Variants in DUSP16 observed in about 807,000 individuals in gnomAD.
DUSP16 encodes dual specificity protein phosphatase 16.
A neutral mutation model predicts 58.3 loss-of-function variants in DUSP16; 21 were observed. The observed-to-expected ratio is 0.36, with a 90% CI of 0.26 to 0.52. DUSP16 has a LOEUF of 0.52. Ranked by LOEUF, DUSP16 falls within the 20% of genes least tolerant of loss-of-function variation. The pLI is 0.94. For missense variants in DUSP16, 726 were observed against 819.0 expected, an observed-to-expected ratio of 0.89 and a Z score of 1.39; for synonymous variants, 320 against 323.8, an observed-to-expected ratio of 0.99 and a Z score of 0.12.
chr12:12,526,639 A>G (rs533881185), intron 1 of DUSP16, among the ~76,000 whole-genome samples: 23 of 152,304 alleles, frequency 1.5e-4, no homozygotes, highest in Non-Finnish European at 2.6e-4. Flanking sequence ...GTGCCTAGCC[A>G]GAGAATCCTT....
chr12:12,515,775 G>T (rs1358298784), intron 3 of DUSP16, among the ~76,000 whole-genome samples: 1 of 151,786 alleles, frequency 6.6e-6, no homozygotes. Context: ...TGGTAATAGA[G>T]AACTTTTTTT....
intron 5 of DUSP16, among the ~76,000 whole-genome samples, chr12:12,484,301 A>G (rs767518864): frequency 2.6e-5 from 4 of 152,200 alleles, no homozygotes; most frequent in African/African-American, 4.8e-5. Context: ...AGATATTACA[A>G]ATAAATTATA....
intron 1 of DUSP16, among the ~76,000 whole-genome samples, chr12:12,535,657 G>A (rs1944452940): frequency 6.6e-6 from 1 of 152,148 alleles, no homozygotes; most frequent in African/African-American, 2.4e-5. Context: ...GCAAGTCCTT[G>A]ATATTAATTA....
chr12:12,562,224 G>C lies in DUSP16; in HGVS notation c.-473C>G, dbSNP rs982491635. The C allele has an allele frequency of 6.6e-6, 1 of 151,896 alleles. No homozygotes were observed. 9.4% of individuals were successfully genotyped at this position (151,896 alleles called of 1,614,324 possible). A position where few individuals can be genotyped will look rare whatever the true frequency, so the allele number is the denominator to read the frequency against. ...CGGACTTGCGAGGCGCCGCCGCGGA[G>C]CCGAGAGGGCGGCTGCGCTCCCGCT... is the stretch of plus-strand genomic sequence containing the variant. On this transcript the variant is annotated 5_prime_UTR_variant, in exon 1 of 7. Coordinates refer to ENST00000298573, the MANE Select transcript of DUSP16 (RefSeq NM_030640.3).
At chr12:12,549,122 A>C (rs993474038) in intron 1 of DUSP16, among the ~76,000 whole-genome samples, 2 of 151,970 alleles carry the variant, frequency 1.3e-5, no homozygotes, top group African/African-American at 4.8e-5. Context: ...AAAACCCAAA[A>C]CCTAATTTTA....
rs2136180138 is a variant in DUSP16, at chr12:12,474,949, AC to A, written c.*1883del. Reference sequence around the variant, plus strand: ...TGACCAGCACTTTCCCAGTATCATAACAATGCGGCTGACCCTCTTCTGCCTT... The same window carrying A: ...TGACCAGCACTTTCCCAGTATCATAAAATGCGGCTGACCCTCTTCTGCCTT... On this transcript the variant is annotated 3_prime_UTR_variant, in exon 7 of 7. Coordinates refer to ENST00000298573, the MANE Select transcript of DUSP16 (RefSeq NM_030640.3). The A allele has an allele frequency of 6.6e-6, 1 of 152,346 alleles. No individual in the cohort carries two copies. The highest frequency in any genetic ancestry group is 2.1e-4 in the South Asian group (1 of 4,832). 9.4% of individuals were successfully genotyped at this position (152,346 alleles called of 1,614,324 possible).
intron 1 of DUSP16, among the ~76,000 whole-genome samples, chr12:12,534,787 T>C (rs1358330418): frequency 2.0e-5 from 3 of 152,252 alleles, no homozygotes; most frequent in Non-Finnish European, 4.4e-5. Context: ...TCTATCAGCC[T>C]TTAAAATCTT....
intron 1 of DUSP16, among the ~76,000 whole-genome samples, chr12:12,521,788 G>A (rs1944241307): frequency 6.6e-6 from 1 of 152,112 alleles, no homozygotes; most frequent in African/African-American, 2.4e-5. Context: ...GCTGCTTGAA[G>A]TATTATTATT....
intron 1 of DUSP16, among the ~76,000 whole-genome samples, chr12:12,560,176 T>C (rs1156290818): frequency 6.6e-6 from 1 of 152,042 alleles, no homozygotes; most frequent in Non-Finnish European, 1.5e-5. Context: ...TTTGGCACTA[T>C]AATCAAGCCA....
intron 6 of DUSP16, 50 bp downstream of exon 6, chr12:12,480,173 T>C (rs1178038014): frequency 6.2e-7 from 1 of 1,602,250 alleles, no homozygotes; most frequent in African/African-American, 1.3e-5. Context: ...ATTCTTTATG[T>C]TTCAGGTCAA....
chr12:12,507,182 A>C (rs1408852382), intron 3 of DUSP16, among the ~76,000 whole-genome samples: 1 of 152,222 alleles, frequency 6.6e-6, no homozygotes, highest in African/African-American at 2.4e-5. Context: ...ATGAAAGTAT[A>C]TTTACATAAT....
At chr12:12,548,579 C>A (rs12309848) in intron 1 of DUSP16, among the ~76,000 whole-genome samples, 13,558 of 144,574 alleles carry the variant, frequency 0.094, 1,279 homozygotes, top group East Asian at 0.25. Context: ...TTGCAGTGAG[C>A]CGAGATCGCA....
At position 12,562,155 on chromosome 12, in the gene DUSP16, A is replaced by G. The variant is rs1452700433; in HGVS notation, c.-404T>C. ...GACCTCCCAATTCCCTCAGAGGGAA[A>G]CGAAAGTTGTCACGGCGTCTCCCCT... On this transcript the variant is annotated 5_prime_UTR_variant, in exon 1 of 7. Transcript: ENST00000298573. 32 of 151,808 alleles carry G rather than the reference A, an allele frequency of 2.1e-4. No individual in the cohort carries two copies. Among genetic ancestry groups the G allele is most frequent in the Admixed American group, 2.0e-3 (31 of 15,266 alleles). The allele number at this position is 151,808 out of a possible 1,614,324, so 9.4% of individuals were successfully genotyped here. A position where few individuals can be genotyped will look rare whatever the true frequency, so the allele number is the denominator to read the frequency against.
intron 1 of DUSP16, among the ~76,000 whole-genome samples, chr12:12,529,585 T>C (rs1016345632): frequency 2.6e-5 from 4 of 152,204 alleles, no homozygotes; most frequent in South Asian, 2.1e-4. Flanking sequence ...TCAGGAATAC[T>C]ATATATCCTC....
intron 1 of DUSP16, among the ~76,000 whole-genome samples, chr12:12,534,680 G>A (rs1304133937): frequency 1.3e-5 from 2 of 152,102 alleles, no homozygotes; most frequent in East Asian, 3.9e-4. Context: ...ATTTTTTGAG[G>A]AGGAACTGCC....
chr12:12,545,960 A>C (rs145689804), intron 1 of DUSP16, among the ~76,000 whole-genome samples: 1 of 152,334 alleles, frequency 6.6e-6, no homozygotes, highest in Non-Finnish European at 1.5e-5. Flanking sequence ...CTAATATTTA[A>C]TATGTGGATT....
In DUSP16 at chr12:12,502,935, AG is replaced by A. The variant is rs527577825; in HGVS notation, c.368-2254del. Among the ~76,000 whole-genome samples, 101 of 152,264 alleles carry A rather than the reference AG, an allele frequency of 6.6e-4. 3 individuals are homozygous for A. In the South Asian group the frequency reaches 0.021, roughly 32 times the overall value. On this transcript the variant is annotated intron_variant, in intron 3 of 6. Coordinates refer to ENST00000298573, the MANE Select transcript of DUSP16 (RefSeq NM_030640.3). The stretch of plus-strand genomic sequence containing the variant: ...CACACCGCCCCATGCATGCACACGT[AG>A]AAGCCACGGTACATACAGCATACAC...
chr12:12,496,408 C>A (rs577491528), intron 4 of DUSP16, among the ~76,000 whole-genome samples: 1 of 152,252 alleles, frequency 6.6e-6, no homozygotes, highest in East Asian at 1.9e-4. Context: ...CTACTGTGTA[C>A]CAGGCAGAAC....
rs768507720 is a variant in DUSP16 at position 12,475,341 on chromosome 12, C to T, written c.*1492G>A. On this transcript the variant is annotated 3_prime_UTR_variant, in exon 7 of 7. Transcript: ENST00000298573. ...GTTTGAAAGCCAATCTGCACTATCA[C>T]TTGTTCCAGTGACCTCCTATGTTCA... 2.0e-5 allele frequency: 3 copies of T among 152,068 alleles called. No individual in the cohort carries two copies. The highest frequency in any genetic ancestry group is 4.4e-5 in the Non-Finnish European group (3 of 68,040). 9.4% of individuals were successfully genotyped at this position (152,068 alleles called of 1,614,324 possible).
Sources: allele counts gnomAD v4.1 joint callset (sites outside exome capture counted in the v4.1 genomes callset), GRCh38; gene constraint gnomAD v4.1.1; transcripts MANE v1.5; gene names NCBI Gene and HGNC (gene_info 2026-07-23, HGNC 2026-07-21).